Variants in SMPD3 observed in about 807,000 individuals in gnomAD.
SMPD3 encodes the protein nSMase-2.
In SMPD3, 21 loss-of-function variants were observed where a neutral mutation model predicts 55.7. The ratio of observed to expected loss-of-function variants is 0.38; its 90% CI spans 0.27 to 0.54. SMPD3 has a LOEUF of 0.54. SMPD3 is among the 20% of genes least tolerant of loss of function. The probability of loss-of-function intolerance (pLI) is 0.80; values close to 1 mark genes in which losing one functional copy is unlikely to be tolerated. For synonymous variants in SMPD3, 457 were observed against 404.3 expected (o/e 1.13, Z -1.56); for missense variants, 842 against 899.6 (o/e 0.94, Z 0.82).
At chr16:68,406,627 C>T (rs1194303407) in intron 1 of SMPD3, among the ~76,000 whole-genome samples, 1 of 152,264 alleles carries the variant, frequency 6.6e-6, no homozygotes, top group African/African-American at 2.4e-5. Flanking sequence ...GCATCTGCCA[C>T]TGGCATCTCC....
intron 1 of SMPD3, among the ~76,000 whole-genome samples, chr16:68,407,946 A>G (rs2090266974): frequency 1.3e-5 from 2 of 152,192 alleles, no homozygotes; most frequent in South Asian, 4.1e-4. Context: ...TTTTACCAAA[A>G]AAGAATTGGT....
chr16:68,428,725 T>C (rs376471077), intron 1 of SMPD3, among the ~76,000 whole-genome samples: 2 of 151,940 alleles, frequency 1.3e-5, no homozygotes, highest in East Asian at 3.9e-4. Flanking sequence ...GTCCCTAAGG[T>C]CCCCAGATCA....
In SMPD3 at chr16:68,361,220, C is replaced by T. The variant is rs755516796; in HGVS notation, c.1954G>A (p.Glu652Lys). Residue 652 changes from glutamate to lysine, a missense_variant, in exon 9 of 9, where the codon GAG becomes AAG. Coordinates refer to ENST00000219334, the MANE Select transcript of SMPD3 (RefSeq NM_018667.4). ...VAMRLMVSSG[E>K]EEA ...CTCCGGACGGTCTATGCCTCCTCCT[C>T]CCCCGAAGACACCATCAGTCGCATG... The T allele has an allele frequency of 4.3e-6, 7 of 1,613,614 alleles. No individual in the cohort carries two copies. In the South Asian group the frequency reaches 7.7e-5, roughly 18 times the overall value.
chr16:68,401,983 A>C (rs2090211081), intron 1 of SMPD3, among the ~76,000 whole-genome samples: 1 of 152,104 alleles, frequency 6.6e-6, no homozygotes, highest in Non-Finnish European at 1.5e-5. Context: ...GGTAGCCACA[A>C]AGAGGCAACA....
At chr16:68,367,793 C>CA (rs2089530996) in intron 3 of SMPD3, 1 of 152,256 alleles carries the variant, frequency 6.6e-6, no homozygotes, top group African/African-American at 2.4e-5. Context: ...GTTTCTCTTG[C>CA]AAAAACAAGC....
rs959432863 is a variant in SMPD3 at position 68,370,958 on chromosome 16, G to A, written c.1224C>T (p.Leu408=). 2.5e-6 allele frequency: 4 copies of A among 1,614,034 alleles called. No individual in the cohort carries two copies. The highest frequency in any genetic ancestry group is 3.4e-6 in the Non-Finnish European group (4 of 1,180,010). Reference sequence around the variant, plus strand: ...CCATGATGGGGTAGCGGCTGGCAAAGAGGAGGCCGCTGTTGAGACACTTGA... The same window carrying A: ...CCATGATGGGGTAGCGGCTGGCAAAAAGGAGGCCGCTGTTGAGACACTTGA... ...CSFKCLNSGL[L]FASRYPIMDV... is the part of the protein sequence containing the mutation. Residue 408 remains leucine, a synonymous_variant, in exon 3 of 9, where the codon CTC becomes CTT. Coordinates refer to ENST00000219334, the MANE Select transcript of SMPD3 (RefSeq NM_018667.4).
At chr16:68,406,498 G>C (rs1259204738) in intron 1 of SMPD3, among the ~76,000 whole-genome samples, 4 of 152,184 alleles carry the variant, frequency 2.6e-5, no homozygotes, top group Admixed American at 2.6e-4. Context: ...CCCTCTGAAG[G>C]CCAGGATGGT....
intron 1 of SMPD3, among the ~76,000 whole-genome samples, chr16:68,400,232 G>A (rs1482501523): frequency 6.6e-6 from 1 of 152,168 alleles, no homozygotes; most frequent in Non-Finnish European, 1.5e-5. Context: ...TGTGGTCCTG[G>A]GTAAGGGTTA....
At chr16:68,407,764 G>A (rs2090265651) in intron 1 of SMPD3, among the ~76,000 whole-genome samples, 1 of 151,892 alleles carries the variant, frequency 6.6e-6, no homozygotes, top group South Asian at 2.1e-4. Flanking sequence ...TTATTGTTTG[G>A]GCTGGTGTGC....
chr16:68,368,226 C>A (rs2089544115), intron 3 of SMPD3: 1 of 152,262 alleles, frequency 6.6e-6, no homozygotes, highest in African/African-American at 2.4e-5. Context: ...GAGGGAGCTC[C>A]ATGAGGTGGT....
intron 1 of SMPD3, among the ~76,000 whole-genome samples, chr16:68,422,371 A>C (rs1249172709): frequency 6.6e-6 from 1 of 152,160 alleles, no homozygotes; most frequent in Non-Finnish European, 1.5e-5. Flanking sequence ...AAAGCCATGG[A>C]TGTTGGGCCT....
chr16:68,399,091 C>A (rs538331272), intron 1 of SMPD3, among the ~76,000 whole-genome samples: 6 of 152,174 alleles, frequency 3.9e-5, no homozygotes, highest in Non-Finnish European at 8.8e-5. Flanking sequence ...CAAATCCTCC[C>A]GGCCTCCTCA....
Position 68,447,987 on chromosome 16 carries a change from C to T in SMPD3, c.-269+366G>A, listed in dbSNP as rs1022744251. Among the ~76,000 whole-genome samples the T allele has an allele frequency of 6.6e-6, 1 of 152,168 alleles. No homozygotes were observed. The highest frequency in any genetic ancestry group is 1.5e-5 in the Non-Finnish European group (1 of 68,014). On this transcript the variant is annotated intron_variant, in intron 1 of 8. Coordinates refer to ENST00000219334, the MANE Select transcript of SMPD3 (RefSeq NM_018667.4). The surrounding 1 kb of genome is among the most constrained non-coding windows in gnomAD (Gnocchi z 5.1). The stretch of plus-strand genomic sequence containing the variant: ...CGAAGTGTTGCGGGGAGGGGTCCCC[C>T]TGCCTCGAGTCCCTTCATCCCACAA...
intron 1 of SMPD3, among the ~76,000 whole-genome samples, chr16:68,430,041 T>C (rs927362496): frequency 3.9e-5 from 6 of 152,160 alleles, no homozygotes; most frequent in Non-Finnish European, 8.8e-5. Flanking sequence ...GCTGCACCTG[T>C]TACCCCCCAA....
At chr16:68,445,597 G>C (rs1252565701) in intron 1 of SMPD3, among the ~76,000 whole-genome samples, 1 of 152,168 alleles carries the variant, frequency 6.6e-6, no homozygotes, top group Non-Finnish European at 1.5e-5. Flanking sequence ...CTACACCATG[G>C]GGGAGTGTTA....
intron 3 of SMPD3, 125 bp from the exon 4 acceptor site, chr16:68,365,217 TG>T (rs2151975151): frequency 1.1e-6 from 1 of 944,204 alleles, no homozygotes; most frequent in East Asian, 2.6e-5. Flanking sequence ...GGCTGGATTC[TG>T]GGGTCCGAGT....
rs763732318 is a variant in SMPD3, at chr16:68,363,537, G to A, written c.1668C>T (p.Gly556=). Residue 556 remains glycine (G), a synonymous_variant, in exon 7 of 9, where the codon GGC becomes GGT. Transcript: ENST00000219334. The part of the protein sequence containing the change: ...WAIGTLLDTN[G]LYDEDVCTPD... The stretch of plus-strand genomic sequence containing the variant: ...GGGTGCACACATCCTCATCGTACAG[G>A]CCGTTCGTGTCCAGCAGAGTACCTG... 2 of 1,613,930 alleles carry A rather than the reference G, an allele frequency of 1.2e-6. No individual in the cohort carries two copies. The highest frequency in any genetic ancestry group is 1.7e-5 in the Admixed American group (1 of 60,016).
At chr16:68,400,326 A>G (rs1376173862) in intron 1 of SMPD3, among the ~76,000 whole-genome samples, 1 of 152,216 alleles carries the variant, frequency 6.6e-6, no homozygotes, top group Non-Finnish European at 1.5e-5. Flanking sequence ...TGACCTTGCC[A>G]GCATGACCCA....
intron 1 of SMPD3, among the ~76,000 whole-genome samples, chr16:68,397,613 C>T (rs1207258971): frequency 6.6e-6 from 1 of 152,216 alleles, no homozygotes; most frequent in African/African-American, 2.4e-5. Context: ...CCATGCCCCA[C>T]ATCTGCCTCC....
Sources: gnomAD v4.1 joint callset for allele counts (sites outside exome capture counted in the v4.1 genomes callset) on GRCh38, gnomAD v4.1.1 for gene constraint, Gnocchi (gnomAD v3.1) non-coding constraint, MANE v1.5 for transcripts, NCBI Gene and HGNC (gene_info 2026-07-23, HGNC 2026-07-21) for gene names.